Variants in NUP35 observed in about 807,000 individuals in gnomAD.
NUP35 encodes nucleoporin NUP35.
NUP35 carries 25 observed loss-of-function variants against 41.5 expected under a neutral mutation model. That is an observed-to-expected ratio of 0.60 (90% CI 0.44 to 0.84). The LOEUF (loss-of-function observed/expected upper bound fraction) is 0.84, where lower values mean the gene tolerates loss of function less well. Ranked by LOEUF, NUP35 falls within the 40% of genes least tolerant of loss-of-function variation. NUP35 has a pLI of 0.00. For missense variants in NUP35, 396 were observed against 396.6 expected (o/e 1.00, Z 0.01); for synonymous variants, 149 against 130.7 (o/e 1.14, Z -0.96).
At chr2:183,125,789 C>T (rs1252566835) in intron 1 of NUP35, among the ~76,000 whole-genome samples, 1 of 152,156 alleles carries the variant, frequency 6.6e-6, no homozygotes, top group Non-Finnish European at 1.5e-5. Context: ...CCACATTTTG[C>T]AGATATTCCA....
upstream of NUP35, among the ~76,000 whole-genome samples, chr2:183,120,792 A>T (rs1182902689): frequency 1.3e-5 from 2 of 152,208 alleles, no homozygotes; most frequent in African/African-American, 4.8e-5. Flanking sequence ...CTATGAATTC[A>T]ATTTTGAGTT....
Position 183,129,412 on chromosome 2 carries a change from A to G in NUP35, c.211+955A>G, listed in dbSNP as rs181793368. On this transcript the variant is annotated intron_variant, in intron 2 of 8. Coordinates refer to ENST00000295119, the MANE Select transcript of NUP35 (RefSeq NM_138285.5). The stretch of plus-strand genomic sequence containing the variant: ...GCTAATATCCTTTAGTAGTAGTTCA[A>G]GTGAAAACTCTTTTTACCTTAATTG... Among the ~76,000 whole-genome samples the G allele has an allele frequency of 1.4e-3, 211 of 152,378 alleles. 1 individual carries two copies. The highest frequency in any genetic ancestry group is 5.0e-3 in the African/African-American group (207 of 41,600).
chr2:183,151,929 G>A (rs1448486291), intron 5 of NUP35, among the ~76,000 whole-genome samples: 1 of 151,976 alleles, frequency 6.6e-6, no homozygotes, highest in African/African-American at 2.4e-5. Context: ...ATATTTGTTT[G>A]TAGTTTTTTA....
intron 8 of NUP35, 52 bp downstream of exon 8, chr2:183,159,704 G>A (rs1422930186): frequency 2.1e-6 from 3 of 1,399,822 alleles, no homozygotes; most frequent in East Asian, 2.3e-5. Flanking sequence ...TGAGTGCATA[G>A]CATGCTTAAC....
intron 4 of NUP35, among the ~76,000 whole-genome samples, chr2:183,149,049 G>C (rs947483089): frequency 1.3e-5 from 2 of 152,146 alleles, no homozygotes; most frequent in Non-Finnish European, 2.9e-5. Context: ...TTTGGAATGA[G>C]TTAGGATGGT....
chr2:183,135,241 C>T (rs529194827), intron 4 of NUP35, among the ~76,000 whole-genome samples: 15 of 152,256 alleles, frequency 9.9e-5, no homozygotes, highest in African/African-American at 3.6e-4. Context: ...GGGGACCTAC[C>T]CAGCTTATTC....
At chr2:183,142,737 C>A (rs967612602) in intron 4 of NUP35, among the ~76,000 whole-genome samples, 1 of 152,020 alleles carries the variant, frequency 6.6e-6, no homozygotes, top group African/African-American at 2.4e-5. Context: ...GCATCAGCCT[C>A]CCAAAGTGCT....
intron 5 of NUP35, among the ~76,000 whole-genome samples, chr2:183,152,270 T>TG (rs1320148203): frequency 6.6e-6 from 1 of 152,154 alleles, no homozygotes; most frequent in African/African-American, 2.4e-5. Flanking sequence ...AACTTTAAAA[T>TG]GCCTTTTTTT....
At chr2:183,152,684 C>T (rs982117204) in intron 5 of NUP35, among the ~76,000 whole-genome samples, 1 of 152,086 alleles carries the variant, frequency 6.6e-6, no homozygotes, top group African/African-American at 2.4e-5. Flanking sequence ...ATATATCTAT[C>T]ACAGTAAAAC....
At chr2:183,143,472 C>G (rs1276849754) in intron 4 of NUP35, among the ~76,000 whole-genome samples, 1 of 152,162 alleles carries the variant, frequency 6.6e-6, no homozygotes, top group Non-Finnish European at 1.5e-5. Context: ...TTTTAATACT[C>G]AGCCTTATGC....
intron 4 of NUP35, among the ~76,000 whole-genome samples, chr2:183,142,631 C>A (rs1054860811): frequency 1.5e-5 from 2 of 129,250 alleles, no homozygotes; most frequent in African/African-American, 3.4e-5. Context: ...CAGATGTGCA[C>A]CACATGCTGG....
At chr2:183,154,986 G>C (rs916199767) in intron 5 of NUP35, among the ~76,000 whole-genome samples, 7 of 152,014 alleles carry the variant, frequency 4.6e-5, no homozygotes, top group Non-Finnish European at 1.5e-5. Context: ...GGAAGCCCCT[G>C]ATAAACGCGT....
At chr2:183,155,715 G>A (rs781248021) in intron 5 of NUP35, among the ~76,000 whole-genome samples, 1 of 151,988 alleles carries the variant, frequency 6.6e-6, no homozygotes, top group Non-Finnish European at 1.5e-5. Context: ...GGGATAACAG[G>A]CATGAGCCAG....
chr2:183,153,424 T>G (rs1173711164), intron 5 of NUP35, among the ~76,000 whole-genome samples: 1 of 152,158 alleles, frequency 6.6e-6, no homozygotes, highest in Non-Finnish European at 1.5e-5. Flanking sequence ...AGCAAGATAG[T>G]TATTTCCTGG....
At chr2:183,138,933 G>T (rs1445972084) in intron 4 of NUP35, among the ~76,000 whole-genome samples, 2 of 152,000 alleles carry the variant, frequency 1.3e-5, no homozygotes, top group Admixed American at 6.6e-5. Context: ...TCTTTTTCTG[G>T]TTTGGGTTAG....
Position 183,128,743 on chromosome 2 carries a change from G to C in NUP35, c.211+286G>C, listed in dbSNP as rs187718765. Reference sequence around the variant, plus strand: ...CAAGCTTGTGCTAGAATTTTTAAAAGTGTAGTGGTGCAGCATTCACCCTCA... The same window carrying C: ...CAAGCTTGTGCTAGAATTTTTAAAACTGTAGTGGTGCAGCATTCACCCTCA... On this transcript the variant is annotated intron_variant, in intron 2 of 8. Transcript: ENST00000295119. Among the ~76,000 whole-genome samples the C allele has an allele frequency of 2.6e-5, 4 of 152,164 alleles. No individual in the cohort carries two copies. In the East Asian group the frequency reaches 7.7e-4, roughly 29 times the overall value.
intron 2 of NUP35, among the ~76,000 whole-genome samples, chr2:183,129,996 T>G (rs550219076): frequency 6.6e-6 from 1 of 152,348 alleles, no homozygotes; most frequent in South Asian, 2.1e-4. Flanking sequence ...GGGAATTGTA[T>G]TTATTCAGGA....
chr2:183,122,114 G>A (rs1335336781), upstream of NUP35, among the ~76,000 whole-genome samples: 1 of 148,188 alleles, frequency 6.7e-6, no homozygotes, highest in Non-Finnish European at 1.5e-5. Context: ...GTCTCGCTCT[G>A]TCGCCAGGCT....
intron 4 of NUP35, among the ~76,000 whole-genome samples, chr2:183,150,148 G>A (rs113740689): frequency 2.0e-5 from 3 of 152,108 alleles, no homozygotes; most frequent in African/African-American, 4.8e-5. Flanking sequence ...GTCATGATCC[G>A]CTCGCCTTGG....
Sources: allele counts gnomAD v4.1 joint callset (sites outside exome capture counted in the v4.1 genomes callset), GRCh38; gene constraint gnomAD v4.1.1; transcripts MANE v1.5; gene names NCBI Gene and HGNC (gene_info 2026-07-23, HGNC 2026-07-21).